LRRC7: variants seen among roughly 807,000 people sequenced by gnomAD.
The protein encoded by LRRC7 is leucine-rich repeat-containing protein 7.
LRRC7 carries 23 observed loss-of-function variants against 175.7 expected under a neutral mutation model. The observed-to-expected ratio is 0.13, with a 90% CI of 0.09 to 0.19. The LOEUF is 0.19. Ranked by LOEUF, LRRC7 falls within the 10% of genes least tolerant of loss-of-function variation. LRRC7 has a pLI of 1.00. For missense variants in LRRC7, 1,354 were observed against 1,904.7 expected, an observed-to-expected ratio of 0.71 and a Z score of 5.38; for synonymous variants, 685 against 680.9, an observed-to-expected ratio of 1.01 and a Z score of -0.09.
intron 15 of LRRC7, among the ~76,000 whole-genome samples, chr1:70,019,420 C>T (rs1361850181): frequency 6.6e-6 from 1 of 151,860 alleles, no homozygotes; most frequent in African/African-American, 2.4e-5. Flanking sequence ...GCTTTTTGTC[C>T]TTTGCTATTT....
At chr1:69,615,900 T>C (rs1649532128) in intron 1 of LRRC7, among the ~76,000 whole-genome samples, 1 of 151,928 alleles carries the variant, frequency 6.6e-6, no homozygotes, top group African/African-American at 2.4e-5. Flanking sequence ...AACCCCCCAC[T>C]TACGCCCCAC....
intron 3 of LRRC7, among the ~76,000 whole-genome samples, chr1:69,767,091 G>A (rs1232105642): frequency 3.3e-5 from 5 of 151,932 alleles, no homozygotes; most frequent in East Asian, 1.9e-4. Context: ...TCAATTTGCC[G>A]ATTTCAGAAA....
Position 70,039,009 on chromosome 1 carries a change from C to CA in LRRC7, c.3192dup (p.Val1065SerfsTer5). ...CCACAACAACAAAAAGCTTCTATGA[C>CA]AAAAAAAGTCTATCAGTTTGACCAA... On this transcript the variant is annotated frameshift_variant, in exon 21 of 27. Coordinates refer to ENST00000651989, the MANE Select transcript of LRRC7 (RefSeq NM_001370785.2). LOFTEE classifies it high-confidence loss of function. 2 of 1,613,686 alleles carry CA rather than the reference C, an allele frequency of 1.2e-6. No homozygotes were observed. The highest frequency in any genetic ancestry group is 1.7e-6 in the Non-Finnish European group (2 of 1,179,884).
intron 1 of LRRC7, among the ~76,000 whole-genome samples, chr1:69,646,885 A>G (rs1318891063): frequency 1.3e-5 from 2 of 152,080 alleles, no homozygotes; most frequent in Non-Finnish European, 2.9e-5. Flanking sequence ...TTCACTGGCT[A>G]TTCAGATTGA....
chr1:69,688,645 TA>T (rs1553140109), intron 2 of LRRC7, among the ~76,000 whole-genome samples: 1 of 148,266 alleles, frequency 6.7e-6, no homozygotes, highest in Non-Finnish European at 1.5e-5. Context: ...TTTTTTTTTT[TA>T]AAAAAAACCT....
intron 2 of LRRC7, among the ~76,000 whole-genome samples, chr1:69,759,579 T>A (rs984182025): frequency 4.6e-5 from 7 of 152,004 alleles, no homozygotes; most frequent in African/African-American, 1.7e-4. Context: ...ACCAATCCAA[T>A]TATAATCTGT....
At chr1:69,975,642 A>T (rs907317480) in intron 8 of LRRC7, among the ~76,000 whole-genome samples, 1 of 152,154 alleles carries the variant, frequency 6.6e-6, no homozygotes, top group African/African-American at 2.4e-5. Context: ...CCAACTGCTG[A>T]TGTATACAAA....
chr1:69,951,454 A>T (rs1421984108), intron 8 of LRRC7, among the ~76,000 whole-genome samples: 1 of 152,068 alleles, frequency 6.6e-6, no homozygotes, highest in African/African-American at 2.4e-5. Context: ...ACCCAGAGGA[A>T]TATAAATCAT....
intron 2 of LRRC7, among the ~76,000 whole-genome samples, chr1:69,750,545 T>G (rs1669752583): frequency 6.6e-6 from 1 of 152,186 alleles, no homozygotes; most frequent in Admixed American, 6.6e-5. Context: ...ACCTCTGCCT[T>G]AGTTCATTTG....
chr1:69,669,392 C>T (rs1658731764), intron 1 of LRRC7, among the ~76,000 whole-genome samples: 2 of 151,740 alleles, frequency 1.3e-5, no homozygotes, highest in African/African-American at 4.8e-5. Context: ...TATGTCATGC[C>T]ATTCTCTCAT....
At chr1:69,807,207 T>A (rs1296514981) in intron 4 of LRRC7, among the ~76,000 whole-genome samples, 1 of 152,064 alleles carries the variant, frequency 6.6e-6, no homozygotes, top group African/African-American at 2.4e-5. Context: ...GTGAGATGGG[T>A]CTCCTGAATA....
chr1:69,720,198 AT>A (rs1666200218), intron 2 of LRRC7, among the ~76,000 whole-genome samples: 1 of 150,856 alleles, frequency 6.6e-6, no homozygotes, highest in Non-Finnish European at 1.5e-5. Context: ...TCCTTTATTA[AT>A]TTCTTTTGGA....
intron 3 of LRRC7, among the ~76,000 whole-genome samples, chr1:69,772,915 T>C (rs74087706): frequency 0.014 from 2,181 of 152,070 alleles, 47 homozygotes; most frequent in African/African-American, 0.049. Flanking sequence ...AACTGAGAGA[T>C]TGGCTAAGAG....
chr1:70,031,188 G>A (rs12041478), intron 18 of LRRC7: 14,491 of 152,178 alleles, frequency 0.095, 694 homozygotes, highest in South Asian at 0.13. Flanking sequence ...TTTCTTTCTT[G>A]TCCATCCTTG....
At chr1:69,998,309 A>G (rs1017510893) in intron 11 of LRRC7, among the ~76,000 whole-genome samples, 1 of 152,170 alleles carries the variant, frequency 6.6e-6, no homozygotes, top group Admixed American at 6.6e-5. Flanking sequence ...TCACCTGCCA[A>G]GTCAGCATAT....
At chr1:69,850,956 G>A (rs1464487274) in intron 7 of LRRC7, among the ~76,000 whole-genome samples, 3 of 152,010 alleles carry the variant, frequency 2.0e-5, no homozygotes, top group Admixed American at 6.6e-5. Flanking sequence ...AAGAGATGAG[G>A]AGCCAGATTT....
chr1:69,916,225 A>ATTATATACATATTTCATAT (rs1646709323), intron 7 of LRRC7, among the ~76,000 whole-genome samples: 1 of 85,696 alleles, frequency 1.2e-5, no homozygotes, highest in Non-Finnish European at 2.4e-5. Context: ...TATTATGTAT[A>ATTATATACATATTTCATAT]ATATAAATAT....
In LRRC7 at chr1:69,781,918, AAG is replaced by A. The variant is rs370871770; in HGVS notation, c.304-10123_304-10122del. Reference sequence around the variant, plus strand: ...GGAAGGGAAAGAAAGAAAAAGAAGAAAGAAAGAAAGAAAGAAAGAAAGAGAAA... The same window carrying A: ...GGAAGGGAAAGAAAGAAAAAGAAGAAAAAGAAAGAAAGAAAGAAAGAGAAA... On this transcript the variant is annotated intron_variant, in intron 3 of 26. Transcript: ENST00000651989. 9.7e-3 allele frequency among the ~76,000 whole-genome samples: 804 copies of A among 83,304 alleles called. 33 individuals carry two copies. Among genetic ancestry groups the A allele is most frequent in the Non-Finnish European group, 0.011 (490 of 42,644 alleles). 54.7% of individuals were successfully genotyped at this position (83,304 alleles called of 152,430 possible).
chr1:70,081,652 C>A (rs534753934), intron 24 of LRRC7, among the ~76,000 whole-genome samples: 14 of 152,062 alleles, frequency 9.2e-5, no homozygotes, highest in African/African-American at 1.2e-4. Context: ...AAGAGTGAAA[C>A]GATGGAAAAG....
Sources: gnomAD v4.1 joint callset for allele counts (sites outside exome capture counted in the v4.1 genomes callset) on GRCh38, gnomAD v4.1.1 for gene constraint, MANE v1.5 for transcripts, NCBI Gene and HGNC (gene_info 2026-07-23, HGNC 2026-07-21) for gene names.